Variants in FKBP14 observed in about 807,000 individuals in gnomAD.
FKBP14 encodes the protein FKBP prolyl isomerase 14.
Under a neutral mutation model 21.6 loss-of-function variants are expected in FKBP14, and 20 were observed. That is an observed-to-expected ratio of 0.92 (90% CI 0.65 to 1.34). The LOEUF (loss-of-function observed/expected upper bound fraction) is 1.34. FKBP14 is among the 40% of genes most tolerant of loss of function. FKBP14 has a pLI of 0.00. For synonymous variants in FKBP14, 79 were observed against 86.7 expected, an observed-to-expected ratio of 0.91 and a Z score of 0.49; for missense variants, 253 against 249.0, an observed-to-expected ratio of 1.02 and a Z score of -0.11.
chr7:30,021,713 G>A (rs999840547), intron 2 of FKBP14, among the ~76,000 whole-genome samples: 5 of 152,002 alleles, frequency 3.3e-5, no homozygotes, highest in Admixed American at 2.0e-4. Flanking sequence ...ACTCCACTAC[G>A]TTCAGCTAAT....
At chr7:30,019,968 A>G (rs1789988109) in intron 2 of FKBP14, among the ~76,000 whole-genome samples, 1 of 152,164 alleles carries the variant, frequency 6.6e-6, no homozygotes, top group Non-Finnish European at 1.5e-5. Context: ...AATCTTTAAA[A>G]GTGAAAAGAG....
chr7:30,006,062 TACAC>T (rs1411496036), downstream of FKBP14, among the ~76,000 whole-genome samples: 2 of 150,640 alleles, frequency 1.3e-5, no homozygotes, highest in East Asian at 1.9e-4. Context: ...ATACATGACA[TACAC>T]ACACCATATG....
At chr7:30,007,389 TA>T (rs369545277), downstream of FKBP14, among the ~76,000 whole-genome samples, 296 of 152,158 alleles carry the variant, frequency 1.9e-3, no homozygotes, top group African/African-American at 6.8e-3. Flanking sequence ...TTTGTATTTT[TA>T]GTAGAGACCG....
chr7:30,022,936 T>TG, intron 1 of FKBP14, 120 bp from the exon 2 acceptor site: 1 of 863,418 alleles, frequency 1.2e-6, no homozygotes, highest in Non-Finnish European at 1.7e-6. Context: ...ATACAGCAAT[T>TG]CTGTATTTGC....
intron 3 of FKBP14, among the ~76,000 whole-genome samples, chr7:30,016,094 A>G (rs1477216728): frequency 6.6e-6 from 1 of 152,028 alleles, no homozygotes; most frequent in African/African-American, 2.4e-5. Flanking sequence ...TTTTGTAGAG[A>G]TGGGGTTTCA....
In FKBP14 at chr7:30,012,637, T is replaced by TTA. The variant is rs1444791151; in HGVS notation, c.*2096_*2097dup. On this transcript the variant is annotated 3_prime_UTR_variant, in exon 4 of 4. Transcript: ENST00000222803. Reference sequence around the variant, plus strand: ...ATGTAATAATTGTTCATAATTCTTTTTAAACAACAAATGGGGGTAAATATG... The same window carrying TTA: ...ATGTAATAATTGTTCATAATTCTTTTTATAAACAACAAATGGGGGTAAATATG... 2.6e-5 allele frequency: 4 copies of TTA among 152,344 alleles called. No individual in the cohort carries two copies. The highest frequency in any genetic ancestry group is 9.6e-5 in the African/African-American group (4 of 41,578). The allele number at this position is 152,344 out of a possible 1,614,324, so 9.4% of individuals were successfully genotyped here.
intron 2 of FKBP14, 93 bp downstream of exon 2, chr7:30,022,572 G>GA (rs202102883): frequency 6.3e-3 from 7,418 of 1,173,128 alleles, no homozygotes; most frequent in South Asian, 8.9e-3. Context: ...ACTTCCAGGG[G>GA]AAAAAAAAAA....
At chr7:30,008,844 C>T (rs188382688), downstream of FKBP14, among the ~76,000 whole-genome samples, 1 of 151,632 alleles carries the variant, frequency 6.6e-6, no homozygotes, top group Non-Finnish European at 1.5e-5. Context: ...GGCGTGGTGG[C>T]AGGCGCCTGT....
rs1406750374 is a variant in FKBP14, at chr7:30,011,681, C to A, written c.*3054G>T. ...GCAGTGGTATGATCATGGCTCACTGCAGCCTTGACCTTGCCAGGCTCAGGT... is the reference window on the plus strand; with the variant it reads ...GCAGTGGTATGATCATGGCTCACTGAAGCCTTGACCTTGCCAGGCTCAGGT... On this transcript the variant is annotated 3_prime_UTR_variant, in exon 4 of 4. Coordinates refer to ENST00000222803, the MANE Select transcript of FKBP14 (RefSeq NM_017946.4). 6.7e-6 allele frequency: 1 copy of A among 149,398 alleles called. No homozygotes were observed. The highest frequency in any genetic ancestry group is 1.5e-5 in the Non-Finnish European group (1 of 67,562). 9.3% of individuals were successfully genotyped at this position (149,398 alleles called of 1,614,324 possible).
In FKBP14 at chr7:30,026,547, G is replaced by C; in HGVS notation, c.-39C>G. 1 of 1,569,614 alleles carries C rather than the reference G, an allele frequency of 6.4e-7. No individual in the cohort carries two copies. On this transcript the variant is annotated 5_prime_UTR_variant, in exon 1 of 4. Transcript: ENST00000222803. ...GGAAAGAAGTCCCTACAAAAGCAGC[G>C]AAAGGTCCCTCGACTTCATAGATTT... is the stretch of plus-strand genomic sequence containing the variant.
At chr7:30,023,757 T>C (rs1215055317) in intron 1 of FKBP14, among the ~76,000 whole-genome samples, 2 of 152,000 alleles carry the variant, frequency 1.3e-5, no homozygotes, top group Non-Finnish European at 2.9e-5. Flanking sequence ...CAAGAATGAG[T>C]GTGCAGAGGA....
In FKBP14 at chr7:30,013,584, G is replaced by A. The variant is rs576393903; in HGVS notation, c.*1151C>T. 4.6e-5 allele frequency: 7 copies of A among 152,208 alleles called. No homozygotes were observed. The South Asian group carries it at 1.5e-3, about 32-fold the overall frequency. 9.4% of individuals were successfully genotyped at this position (152,208 alleles called of 1,614,324 possible). A position where few individuals can be genotyped will look rare whatever the true frequency, so the allele number is the denominator to read the frequency against. On this transcript the variant is annotated 3_prime_UTR_variant, in exon 4 of 4. Coordinates refer to ENST00000222803, the MANE Select transcript of FKBP14 (RefSeq NM_017946.4). Reference sequence around the variant, plus strand: ...TTTGATGAGACAGAAATGGGAAAATGTAGACTGGTTTACTACTTTATCTTA... The same window carrying A: ...TTTGATGAGACAGAAATGGGAAAATATAGACTGGTTTACTACTTTATCTTA...
intron 3 of FKBP14, among the ~76,000 whole-genome samples, chr7:30,018,700 C>G (rs1789954156): frequency 6.6e-6 from 1 of 151,996 alleles, no homozygotes; most frequent in South Asian, 2.1e-4. Flanking sequence ...TTCAAAGACC[C>G]AAGGGTAAGC....
At chr7:30,023,175 C>T (rs1790080955) in intron 1 of FKBP14, among the ~76,000 whole-genome samples, 1 of 152,164 alleles carries the variant, frequency 6.6e-6, no homozygotes, top group African/African-American at 2.4e-5. Context: ...ATTACTACCC[C>T]ATTGCACAGA....
At chr7:30,020,387 C>T in intron 2 of FKBP14, 1 of 621,656 alleles carries the variant, frequency 1.6e-6, no homozygotes, top group Non-Finnish European at 2.5e-6. Flanking sequence ...ATTTAGATCT[C>T]TACTTATTGT....
At chr7:30,010,373 T>G (rs1266052082), downstream of FKBP14, among the ~76,000 whole-genome samples, 1 of 152,250 alleles carries the variant, frequency 6.6e-6, no homozygotes, top group African/African-American at 2.4e-5. Flanking sequence ...CAAGACTTAA[T>G]GCATATTTCA....
At chr7:30,007,210 T>C (rs1789632579), downstream of FKBP14, among the ~76,000 whole-genome samples, 1 of 92,828 alleles carries the variant, frequency 1.1e-5, no homozygotes, top group East Asian at 3.4e-4. Context: ...AAAGTTCCTT[T>C]GTTTTTTTTT....
intron 2 of FKBP14, chr7:30,022,446 G>C: frequency 2.3e-6 from 1 of 436,616 alleles, no homozygotes; most frequent in Non-Finnish European, 4.0e-6. Context: ...AGACCTCAAT[G>C]TTCTTTTTTT....
rs1404241498 is a variant in FKBP14 at position 30,011,974 on chromosome 7, G to A, written c.*2761C>T. 1.3e-5 allele frequency: 2 copies of A among 152,136 alleles called. No individual in the cohort carries two copies. Among genetic ancestry groups the A allele is most frequent in the Non-Finnish European group, 2.9e-5 (2 of 68,040 alleles). The allele number at this position is 152,136 out of a possible 1,614,324, so 9.4% of individuals were successfully genotyped here. On this transcript the variant is annotated 3_prime_UTR_variant, in exon 4 of 4. Coordinates refer to ENST00000222803, the MANE Select transcript of FKBP14 (RefSeq NM_017946.4). ...GTGTTACAATTGCCTACATGATTCA[G>A]AACAGCAACATGCTGTAGCCTAGGA...
Sources: gnomAD v4.1 joint callset for allele counts (sites outside exome capture counted in the v4.1 genomes callset) on GRCh38, gnomAD v4.1.1 for gene constraint, MANE v1.5 for transcripts, NCBI Gene and HGNC (gene_info 2026-07-23, HGNC 2026-07-21) for gene names.